Variants in NLGN4X observed in about 807,000 individuals in gnomAD.
NLGN4X encodes neuroligin 4 X-linked.
NLGN4X carries 3 observed loss-of-function variants against 40.3 expected under a neutral mutation model. The observed-to-expected ratio is 0.07, with a 90% CI of 0.03 to 0.19. The LOEUF is 0.19. Ranked by LOEUF, NLGN4X falls within the 10% of genes least tolerant of loss-of-function variation. The pLI, the probability that NLGN4X is intolerant of heterozygous loss-of-function variation, is 1.00. For synonymous variants in NLGN4X, 270 were observed against 306.8 expected, an observed-to-expected ratio of 0.88 and a Z score of 1.25; for missense variants, 382 against 708.3, an observed-to-expected ratio of 0.54 and a Z score of 5.23.
rs752701450 is a variant in NLGN4X, at chrX:5,932,454, G to GA, written c.626-23216dup. On this transcript the variant is annotated intron_variant, in intron 3 of 5. Transcript: ENST00000381095. The stretch of plus-strand genomic sequence containing the variant: ...AGGTACCAAACGCTCTCTCTCAACA[G>GA]AAAAAAAAATTCTTCTACGTTAAAT... 2.7e-3 allele frequency among the ~76,000 whole-genome samples: 293 copies of GA among 108,861 alleles called. 2 individuals carry two copies. The highest frequency in any genetic ancestry group is 9.1e-3 in the African/African-American group (273 of 30,046). 94.5% of individuals were successfully genotyped at this position (108,861 alleles called of 115,157 possible).
At chrX:5,935,281 A>C (rs1390045479) in intron 3 of NLGN4X, among the ~76,000 whole-genome samples, 1 of 112,594 alleles carries the variant, frequency 8.9e-6, no homozygotes, top group East Asian at 2.8e-4. Context: ...GAACCAATTT[A>C]TGATTGTATG....
chrX:5,988,349 G>A (rs1000093829), intron 3 of NLGN4X, among the ~76,000 whole-genome samples: 2 of 112,004 alleles, frequency 1.8e-5, no homozygotes, highest in South Asian at 3.7e-4. Flanking sequence ...GACCCTCTAA[G>A]TGTCTACACC....
intron 2 of NLGN4X, among the ~76,000 whole-genome samples, chrX:6,086,810 T>C (rs2038508227): frequency 9.0e-6 from 1 of 110,578 alleles, no homozygotes. Flanking sequence ...TTTTTTAAAC[T>C]TTTTGTAGAG....
At position 6,151,190 on chromosome X, in the gene NLGN4X, G is replaced by T; in HGVS notation, c.277C>A (p.Pro93Thr). The T allele has an allele frequency of 1.7e-6, 2 of 1,211,691 alleles. No individual in the cohort carries two copies. Among genetic ancestry groups the T allele is most frequent in the East Asian group, 3.0e-5 (1 of 33,818 alleles). ...CGGATGCCAGTCCAGGAGGACGGGG[G>T]TTCTGGGGGCTGAAACCGCCTCTCT... is the stretch of plus-strand genomic sequence containing the variant. ...TGERRFQPPE[P>T]PSSWTGIRNT... is the part of the protein sequence containing the mutation. Residue 93 changes from proline to threonine, a missense_variant, in exon 2 of 6, where the codon CCC (proline) becomes ACC (threonine). By Grantham distance (38) the Pro-to-Thr change is conservative. Transcript: ENST00000381095.
chrX:6,031,811 G>A (rs2036865007), intron 2 of NLGN4X, among the ~76,000 whole-genome samples: 1 of 107,319 alleles, frequency 9.3e-6, no homozygotes, highest in African/African-American at 3.4e-5. Context: ...ATCATTTCTT[G>A]TGCAGAAAGG....
intron 2 of NLGN4X, among the ~76,000 whole-genome samples, chrX:6,118,796 G>T (rs1024850469): frequency 9.0e-6 from 1 of 111,092 alleles, no homozygotes; most frequent in Non-Finnish European, 1.9e-5. Flanking sequence ...CCCTCTCAAC[G>T]GCCTACTGTC....
intron 3 of NLGN4X, among the ~76,000 whole-genome samples, chrX:5,971,587 T>A (rs1601973797): frequency 8.9e-6 from 1 of 111,824 alleles, no homozygotes; most frequent in South Asian, 3.8e-4. Context: ...AAATGGTAGA[T>A]GTTCATTCAC....
At chrX:5,960,557 A>G (rs768383946) in intron 3 of NLGN4X, among the ~76,000 whole-genome samples, 26 of 112,170 alleles carry the variant, frequency 2.3e-4, no homozygotes, top group African/African-American at 8.4e-4. Flanking sequence ...AAAATAAATA[A>G]TTTATCTTTT....
chrX:6,051,896 G>C (rs974839813), intron 2 of NLGN4X, among the ~76,000 whole-genome samples: 1 of 111,032 alleles, frequency 9.0e-6, no homozygotes, highest in African/African-American at 3.3e-5. Context: ...CTAGGAAATA[G>C]GATGGGATGC....
At chrX:6,123,675 A>T (rs2039476010) in intron 2 of NLGN4X, among the ~76,000 whole-genome samples, 1 of 109,447 alleles carries the variant, frequency 9.1e-6, no homozygotes, top group Admixed American at 9.9e-5. Flanking sequence ...AGCTAATAAG[A>T]CTAGATACAT....
In NLGN4X at chrX:6,021,002, T is replaced by TTCTCTC. The variant is rs869309615; in HGVS notation, c.625+8272_625+8277dup. The stretch of plus-strand genomic sequence containing the variant: ...AATTTTTTCTTTTTCCTTCCTTCTT[T>TTCTCTC]TCTCTCTCTCTCTCTCTCTCTCTCT... On this transcript the variant is annotated intron_variant, in intron 3 of 5. Coordinates refer to ENST00000381095, the MANE Select transcript of NLGN4X (RefSeq NM_181332.3). 2.8e-3 allele frequency among the ~76,000 whole-genome samples: 67 copies of TTCTCTC among 24,087 alleles called. 8 individuals are homozygous for TTCTCTC. The highest frequency in any genetic ancestry group is 3.9e-3 in the Admixed American group (5 of 1,278). The allele number at this position is 24,087 out of a possible 115,157, so 20.9% of individuals were successfully genotyped here.
At chrX:6,002,268 A>G (rs1012633399) in intron 3 of NLGN4X, among the ~76,000 whole-genome samples, 17 of 111,954 alleles carry the variant, frequency 1.5e-4, no homozygotes, top group Non-Finnish European at 3.8e-5. Context: ...GTTTTTTACA[A>G]GGTCATATGT....
At chrX:5,975,106 C>T (rs1298685015) in intron 3 of NLGN4X, among the ~76,000 whole-genome samples, 2 of 111,715 alleles carry the variant, frequency 1.8e-5, no homozygotes, top group Admixed American at 1.9e-4. Flanking sequence ...CAACCAAGGG[C>T]AATGTAAAAC....
intron 3 of NLGN4X, among the ~76,000 whole-genome samples, chrX:5,925,881 CATATAT>C (rs55860509): frequency 0.027 from 530 of 19,352 alleles, 14 homozygotes; most frequent in Middle Eastern, 0.091. Context: ...TACATACACA[CATATAT>C]ATATATATAT....
chrX:6,088,244 GAAATGCCAAGAGA>G (rs1424869530), intron 2 of NLGN4X, among the ~76,000 whole-genome samples: 1 of 112,540 alleles, frequency 8.9e-6, no homozygotes, highest in Non-Finnish European at 1.9e-5. Flanking sequence ...ACAATAGCAG[GAAATGCCAAGAGA>G]AAATGCGAAG....
chrX:5,920,705 T>C (rs903735951), intron 3 of NLGN4X, among the ~76,000 whole-genome samples: 34 of 111,570 alleles, frequency 3.0e-4, no homozygotes, highest in African/African-American at 1.0e-3. Context: ...AACCAAGTTA[T>C]TGAACCTGGG....
chrX:6,020,890 C>G (rs1274379111), intron 3 of NLGN4X, among the ~76,000 whole-genome samples: 1 of 110,569 alleles, frequency 9.0e-6, no homozygotes, highest in Non-Finnish European at 1.9e-5. Flanking sequence ...CAGCACACTG[C>G]AGCCTCGAAC....
At chrX:5,973,976 G>T (rs1016626865) in intron 3 of NLGN4X, among the ~76,000 whole-genome samples, 7 of 112,132 alleles carry the variant, frequency 6.2e-5, no homozygotes, top group African/African-American at 2.3e-4. Flanking sequence ...GCTTCCTGAA[G>T]AATGAGGTGG....
intron 3 of NLGN4X, among the ~76,000 whole-genome samples, chrX:5,919,413 G>C (rs774236973): frequency 9.0e-6 from 1 of 111,631 alleles, no homozygotes; most frequent in Non-Finnish European, 1.9e-5. Flanking sequence ...AGTCAAGTCC[G>C]TGTTACTGCA....
Sources: gnomAD v4.1 joint callset for allele counts (sites outside exome capture counted in the v4.1 genomes callset) on GRCh38, gnomAD v4.1.1 for gene constraint, MANE v1.5 for transcripts, NCBI Gene and HGNC (gene_info 2026-07-23, HGNC 2026-07-21) for gene names.